Variants in PKHD1 observed in about 807,000 individuals in gnomAD.
PKHD1 encodes fibrocystin.
PKHD1 carries 291 observed loss-of-function variants against 412.0 expected under a neutral mutation model. The observed-to-expected ratio is 0.71, with a 90% CI of 0.64 to 0.78. PKHD1 has a LOEUF of 0.78. Ranked by LOEUF, PKHD1 falls within the 30% of genes least tolerant of loss-of-function variation. The probability of loss-of-function intolerance (pLI) is 0.00; values close to 1 mark genes in which losing one functional copy is unlikely to be tolerated. For synonymous variants in PKHD1, 1,777 were observed against 1,821.5 expected (o/e 0.98, Z 0.62); for missense variants, 4,825 against 4,950.7 (o/e 0.97, Z 0.76).
At chr6:51,998,174 T>C (rs536318650) in intron 35 of PKHD1, among the ~76,000 whole-genome samples, 5 of 151,788 alleles carry the variant, frequency 3.3e-5, no homozygotes, top group Non-Finnish European at 5.9e-5. Flanking sequence ...CTGTCCCCCA[T>C]ATGTTGAGGA....
intron 65 of PKHD1, among the ~76,000 whole-genome samples, chr6:51,629,895 T>C (rs1767722978): frequency 6.6e-6 from 1 of 152,148 alleles, no homozygotes; most frequent in African/African-American, 2.4e-5. Context: ...TTCCCAGTGA[T>C]AAAATTCAAG....
intron 52 of PKHD1, among the ~76,000 whole-genome samples, chr6:51,824,755 A>C (rs1442341214): frequency 6.6e-6 from 1 of 152,132 alleles, no homozygotes. Context: ...TGTTTCCTTC[A>C]TGTCTTTCCT....
chr6:52,042,180 A>G (rs1804998185), intron 27 of PKHD1, among the ~76,000 whole-genome samples: 1 of 152,134 alleles, frequency 6.6e-6, no homozygotes, highest in African/African-American at 2.4e-5. Flanking sequence ...GGGCCTCATA[A>G]TTCACTCTTC....
At chr6:51,807,051 A>G (rs949415210) in intron 52 of PKHD1, among the ~76,000 whole-genome samples, 7 of 152,146 alleles carry the variant, frequency 4.6e-5, no homozygotes, top group Admixed American at 4.6e-4. Context: ...CCTCTAAATC[A>G]TATCATGTAA....
At chr6:51,772,487 C>G (rs552167860) in intron 55 of PKHD1, among the ~76,000 whole-genome samples, 1 of 151,998 alleles carries the variant, frequency 6.6e-6, no homozygotes, top group Non-Finnish European at 1.5e-5. Flanking sequence ...CTGAAATAAA[C>G]TGTGTTCCTC....
At chr6:51,982,835 A>T (rs565366277) in intron 35 of PKHD1, among the ~76,000 whole-genome samples, 19 of 144,578 alleles carry the variant, frequency 1.3e-4, no homozygotes, top group African/African-American at 4.5e-4. Context: ...AATAAATAAA[A>T]AATAAAAAAA....
chr6:52,010,594 T>C, intron 34 of PKHD1, 135 bp from the exon 35 acceptor site: 1 of 727,244 alleles, frequency 1.4e-6, no homozygotes, highest in Non-Finnish European at 2.4e-6. Context: ...TGCAAATTTC[T>C]GTAATTTTGT....
chr6:51,707,114 T>C (rs1367535164), intron 60 of PKHD1, among the ~76,000 whole-genome samples: 1 of 152,194 alleles, frequency 6.6e-6, no homozygotes, highest in African/African-American at 2.4e-5. Context: ...TAAGAAATCA[T>C]TGCTACCATG....
At chr6:51,804,880 T>C (rs1177437946) in intron 52 of PKHD1, among the ~76,000 whole-genome samples, 1 of 151,988 alleles carries the variant, frequency 6.6e-6, no homozygotes, top group East Asian at 1.9e-4. Flanking sequence ...CAAAAAATAA[T>C]AGATGCTGAC....
At chr6:51,770,019 A>G (rs1271150520) in intron 55 of PKHD1, among the ~76,000 whole-genome samples, 1 of 142,096 alleles carries the variant, frequency 7.0e-6, no homozygotes, top group Non-Finnish European at 1.5e-5. Flanking sequence ...AAAATTTATT[A>G]AGGTAATTAT....
At position 51,744,389 on chromosome 6, in the gene PKHD1, G is replaced by T. The variant is rs774349380; in HGVS notation, c.10152C>A (p.Asn3384Lys). Residue 3384 changes from asparagine (N) to lysine (K), a missense_variant, in exon 60 of 67, where the codon AAC (asparagine) becomes AAA (lysine). Physicochemically the swap from Asn to Lys is moderately conservative, Grantham distance 94. Coordinates refer to ENST00000371117, the MANE Select transcript of PKHD1 (RefSeq NM_138694.4). ...TEAEWTASFFNAGTFREEQKC... is the reference protein window; with the variant it reads ...TEAEWTASFFKAGTFREEQKC... Reference sequence around the variant, plus strand: ...TTGCATTCAGATATAGCTTACCTGCGTTGAAGAAGGATGCAGTCCATTCTG... The same window carrying T: ...TTGCATTCAGATATAGCTTACCTGCTTTGAAGAAGGATGCAGTCCATTCTG... The T allele has an allele frequency of 3.1e-6, 5 of 1,613,694 alleles. No homozygotes were observed. The highest frequency in any genetic ancestry group is 4.2e-6 in the Non-Finnish European group (5 of 1,179,658).
chr6:51,803,943 G>A (rs1030724649), intron 52 of PKHD1, among the ~76,000 whole-genome samples: 2 of 151,156 alleles, frequency 1.3e-5, no homozygotes, highest in Admixed American at 1.3e-4. Context: ...CCTGACCTCA[G>A]GTGATCTGCC....
intron 35 of PKHD1, among the ~76,000 whole-genome samples, chr6:51,995,993 G>T (rs564351546): frequency 8.3e-4 from 126 of 151,768 alleles, no homozygotes; most frequent in African/African-American, 3.0e-3. Context: ...GTTTCAGAAG[G>T]ATTAAAGAAC....
chr6:51,643,573 G>A (rs1769669008), intron 63 of PKHD1, among the ~76,000 whole-genome samples: 5 of 152,284 alleles, frequency 3.3e-5, no homozygotes, highest in South Asian at 4.1e-4. Context: ...TAAAGAGAAC[G>A]TGGAGAGGGT....
chr6:51,995,666 C>G (rs78926349), intron 35 of PKHD1, among the ~76,000 whole-genome samples: 184 of 152,226 alleles, frequency 1.2e-3, no homozygotes, highest in Non-Finnish European at 2.1e-3. Context: ...ACTGATTTTC[C>G]ATAACAAAAT....
chr6:51,934,158 A>G lies in PKHD1; in HGVS notation c.6073T>C (p.Tyr2025His), dbSNP rs1196179184. The stretch of plus-strand genomic sequence containing the variant: ...CTCACAGCCAGGAACTTGACTCCAT[A>G]GGGAAAGAAGGGAGTTGAGTAGGAA... ...GSSYSTPFFP[Y>H]GVKFLAVRNG... The change falls in exon 37 of 67, where the codon TAT becomes CAT. Residue 2025 changes from tyrosine to histidine, a missense_variant. Coordinates refer to ENST00000371117, the MANE Select transcript of PKHD1 (RefSeq NM_138694.4). The G allele has an allele frequency of 6.2e-7, 1 of 1,613,986 alleles. No homozygotes were observed. The highest frequency in any genetic ancestry group is 1.1e-5 in the South Asian group (1 of 91,076).
intron 60 of PKHD1, among the ~76,000 whole-genome samples, chr6:51,716,395 A>G (rs940817992): frequency 6.6e-6 from 1 of 152,236 alleles, no homozygotes; most frequent in Admixed American, 6.5e-5. Context: ...AAAAGCTTTC[A>G]AAATTGTAAA....
intron 27 of PKHD1, among the ~76,000 whole-genome samples, chr6:52,039,378 G>A (rs533409829): frequency 6.6e-6 from 1 of 152,298 alleles, no homozygotes; most frequent in East Asian, 1.9e-4. Context: ...TTGTGATAGT[G>A]AGTGAATTCT....
chr6:51,694,349 A>C (rs999606773), intron 60 of PKHD1, among the ~76,000 whole-genome samples: 1 of 151,766 alleles, frequency 6.6e-6, no homozygotes, highest in Non-Finnish European at 1.5e-5. Context: ...CCACTCTTCC[A>C]TATGGATTTC....
Sources: allele counts gnomAD v4.1 joint callset (sites outside exome capture counted in the v4.1 genomes callset), GRCh38; gene constraint gnomAD v4.1.1; transcripts MANE v1.5; gene names NCBI Gene and HGNC (gene_info 2026-07-23, HGNC 2026-07-21).